Variants in KCNH8 observed in about 807,000 individuals in gnomAD.
The protein encoded by KCNH8 is voltage-gated delayed rectifier potassium channel KCNH8.
Under a neutral mutation model 103.6 loss-of-function variants are expected in KCNH8, and 70 were observed. The ratio of observed to expected loss-of-function variants is 0.68; its 90% CI spans 0.56 to 0.82. KCNH8 has a LOEUF of 0.82. Among genes scored for constraint, KCNH8 ranks in the 40% least tolerant of loss-of-function variants. The pLI is 0.00. For synonymous variants in KCNH8, 498 were observed against 489.4 expected, an observed-to-expected ratio of 1.02 and a Z score of -0.23; for missense variants, 1,217 against 1,329.9, an observed-to-expected ratio of 0.92 and a Z score of 1.32.
intron 11 of KCNH8, among the ~76,000 whole-genome samples, chr3:19,501,335 T>TCTACCAGAGGTGCA (rs1393966023): frequency 6.6e-6 from 1 of 152,164 alleles, no homozygotes; most frequent in Non-Finnish European, 1.5e-5. Flanking sequence ...ACAGCCGAAT[T>TCTACCAGAGGTGCA]CTACCAGAGG....
intron 1 of KCNH8, among the ~76,000 whole-genome samples, chr3:19,169,938 CA>C (rs34823874): frequency 6.6e-6 from 1 of 151,468 alleles, no homozygotes. Context: ...TACTTTGTTA[CA>C]AAAAAAAGAA....
intron 1 of KCNH8, among the ~76,000 whole-genome samples, chr3:19,211,460 A>G (rs955996337): frequency 2.0e-5 from 3 of 152,166 alleles, no homozygotes; most frequent in Admixed American, 6.6e-5. Context: ...CAAAGGCAGT[A>G]TTTCTCAAGG....
At chr3:19,532,157 C>A (rs1300195502) in intron 15 of KCNH8, among the ~76,000 whole-genome samples, 3 of 152,084 alleles carry the variant, frequency 2.0e-5, no homozygotes, top group Admixed American at 6.6e-5. Context: ...AAAATAAATT[C>A]TCTAATGAAT....
intron 1 of KCNH8, among the ~76,000 whole-genome samples, chr3:19,216,889 G>A (rs1220268458): frequency 2.0e-5 from 3 of 152,206 alleles, no homozygotes; most frequent in Non-Finnish European, 4.4e-5. Flanking sequence ...TGCCAGGAAG[G>A]GTGAGGAAGG....
chr3:19,244,669 G>C (rs973597913), intron 1 of KCNH8, among the ~76,000 whole-genome samples: 4 of 152,104 alleles, frequency 2.6e-5, no homozygotes, highest in Non-Finnish European at 4.4e-5. Flanking sequence ...ATTCTGATCG[G>C]TATGAGATGG....
At chr3:19,289,585 A>G (rs1037089234) in intron 3 of KCNH8, among the ~76,000 whole-genome samples, 8 of 151,948 alleles carry the variant, frequency 5.3e-5, no homozygotes, top group Admixed American at 2.0e-4. Flanking sequence ...ATTGGTCTAT[A>G]TCTCTGTTTT....
Position 19,342,829 on chromosome 3 carries a change from C to T in KCNH8, c.570+115C>T, listed in dbSNP as rs1003030137. Reference sequence around the variant, plus strand: ...ATTGGCTTGCCTAGATTTTTTTTTCCACTTTGGTTTGTGCTTTTCTATAAA... The same window carrying T: ...ATTGGCTTGCCTAGATTTTTTTTTCTACTTTGGTTTGTGCTTTTCTATAAA... On this transcript the variant is annotated intron_variant, in intron 4 of 15. Coordinates refer to ENST00000328405, the MANE Select transcript of KCNH8 (RefSeq NM_144633.3). 8.5e-6 allele frequency: 9 copies of T among 1,060,236 alleles called. 1 individual carries two copies. The highest frequency in any genetic ancestry group is 2.9e-5 in the East Asian group (1 of 34,556). The allele number at this position is 1,060,236 out of a possible 1,614,324, so 65.7% of individuals were successfully genotyped here.
chr3:19,267,955 CATA>C (rs1290167646), intron 2 of KCNH8, among the ~76,000 whole-genome samples: 1 of 152,094 alleles, frequency 6.6e-6, no homozygotes, highest in Admixed American at 6.6e-5. Context: ...GTGTCTGACA[CATA>C]ATATGTGCTC....
chr3:19,507,522 C>T (rs2068715969), intron 11 of KCNH8, among the ~76,000 whole-genome samples: 1 of 152,134 alleles, frequency 6.6e-6, no homozygotes, highest in African/African-American at 2.4e-5. Flanking sequence ...CCCAGCCCCA[C>T]AGCGATTAGG....
intron 11 of KCNH8, among the ~76,000 whole-genome samples, chr3:19,467,460 C>CA (rs761653302): frequency 3.3e-5 from 5 of 152,286 alleles, no homozygotes; most frequent in Non-Finnish European, 7.4e-5. Flanking sequence ...AAATCTTTGA[C>CA]AGTCATGCAA....
intron 1 of KCNH8, among the ~76,000 whole-genome samples, chr3:19,155,807 G>A (rs1004359891): frequency 2.6e-5 from 4 of 152,122 alleles, no homozygotes; most frequent in Non-Finnish European, 1.5e-5. Flanking sequence ...ACATGGCCTT[G>A]CCCATTCCTC....
At chr3:19,278,266 T>C (rs2064703446) in intron 2 of KCNH8, among the ~76,000 whole-genome samples, 1 of 152,044 alleles carries the variant, frequency 6.6e-6, no homozygotes, top group Non-Finnish European at 1.5e-5. Context: ...ATTATCTTTC[T>C]AGAAGATAAT....
chr3:19,504,982 TAC>T (rs1438328436), intron 11 of KCNH8, among the ~76,000 whole-genome samples: 2 of 150,880 alleles, frequency 1.3e-5, no homozygotes, highest in African/African-American at 4.9e-5. Context: ...TATATATATA[TAC>T]ACATATATAT....
chr3:19,190,796 G>A (rs1575425179), intron 1 of KCNH8, among the ~76,000 whole-genome samples: 1 of 151,890 alleles, frequency 6.6e-6, no homozygotes, highest in African/African-American at 2.4e-5. Context: ...GTATTCATTT[G>A]TAGCTTCCTG....
At chr3:19,477,946 A>T (rs1475179604) in intron 11 of KCNH8, among the ~76,000 whole-genome samples, 1 of 150,242 alleles carries the variant, frequency 6.7e-6, no homozygotes, top group Non-Finnish European at 1.5e-5. Context: ...CATCTCCAAT[A>T]TCTATTATTC....
At chr3:19,270,031 A>T (rs1010712374) in intron 2 of KCNH8, among the ~76,000 whole-genome samples, 1 of 152,108 alleles carries the variant, frequency 6.6e-6, no homozygotes. Flanking sequence ...AGTCTTCTTA[A>T]ATCTCCAAAG....
intron 15 of KCNH8, among the ~76,000 whole-genome samples, chr3:19,527,230 A>G (rs750080825): frequency 1.3e-5 from 2 of 152,012 alleles, no homozygotes; most frequent in African/African-American, 2.4e-5. Context: ...TTTTCTTCTG[A>G]TATTAGTTAA....
At chr3:19,362,160 G>A (rs912611428) in intron 5 of KCNH8, among the ~76,000 whole-genome samples, 3 of 152,102 alleles carry the variant, frequency 2.0e-5, no homozygotes, top group African/African-American at 7.2e-5. Context: ...TTAAACTAAT[G>A]TAAGACAGAC....
intron 5 of KCNH8, among the ~76,000 whole-genome samples, chr3:19,379,506 G>GGTGGGC (rs1460644778): frequency 4.6e-5 from 7 of 152,034 alleles, no homozygotes; most frequent in African/African-American, 1.5e-4. Flanking sequence ...CAGGCGTGGT[G>GGTGGGC]GCATGCACCT....
Sources: gnomAD v4.1 joint callset for allele counts (sites outside exome capture counted in the v4.1 genomes callset) on GRCh38, gnomAD v4.1.1 for gene constraint, MANE v1.5 for transcripts, NCBI Gene and HGNC (gene_info 2026-07-23, HGNC 2026-07-21) for gene names.